ANO10: variants seen among roughly 807,000 people sequenced by gnomAD.
ANO10 encodes anoctamin-10.
A neutral mutation model predicts 74.7 loss-of-function variants in ANO10; 77 were observed. The ratio of observed to expected loss-of-function variants is 1.03; its 90% CI spans 0.86 to 1.25. The LOEUF is 1.25. Among genes scored for constraint, ANO10 ranks in the 50% most tolerant of loss-of-function variants. ANO10 has a pLI of 0.00. For synonymous variants in ANO10, 279 were observed against 284.9 expected, an observed-to-expected ratio of 0.98 and a Z score of 0.21; for missense variants, 721 against 778.1, an observed-to-expected ratio of 0.93 and a Z score of 0.87.
At chr3:43,547,042 C>T (rs1262125916) in intron 11 of ANO10, among the ~76,000 whole-genome samples, 1 of 151,978 alleles carries the variant, frequency 6.6e-6, no homozygotes, top group Non-Finnish European at 1.5e-5. Context: ...ATCTTAAAAG[C>T]AGCCAGAGAA....
intron 11 of ANO10, among the ~76,000 whole-genome samples, chr3:43,456,768 G>A (rs4682687): frequency 6.6e-6 from 1 of 152,218 alleles, no homozygotes; most frequent in African/African-American, 2.4e-5. Context: ...AATTACAAAG[G>A]TGTCTGCGAC....
chr3:43,660,394 G>C (rs1436513721), intron 1 of ANO10, among the ~76,000 whole-genome samples: 1 of 151,996 alleles, frequency 6.6e-6, no homozygotes, highest in Non-Finnish European at 1.5e-5. Context: ...GTGAAGAGAA[G>C]AGCTTAAATG....
intron 1 of ANO10, among the ~76,000 whole-genome samples, chr3:43,647,185 G>GTA (rs1370875539): frequency 6.6e-6 from 1 of 151,140 alleles, no homozygotes; most frequent in Admixed American, 6.6e-5. Context: ...GTGTGTGTGT[G>GTA]TGTGTGTATT....
At chr3:43,521,744 A>G (rs1206416079) in intron 11 of ANO10, among the ~76,000 whole-genome samples, 3 of 152,232 alleles carry the variant, frequency 2.0e-5, no homozygotes, top group Admixed American at 1.3e-4. Context: ...AAGTTTCTCA[A>G]AAAATTAAAC....
chr3:43,475,781 T>G (rs753034646), intron 11 of ANO10, among the ~76,000 whole-genome samples: 3 of 152,044 alleles, frequency 2.0e-5, no homozygotes, highest in Non-Finnish European at 2.9e-5. Context: ...TTTTATTTTT[T>G]AGTAGAGATG....
At chr3:43,432,944 C>CT (rs5848663) in intron 11 of ANO10, among the ~76,000 whole-genome samples, 6,990 of 55,084 alleles carry the variant, frequency 0.13, 2,004 homozygotes, top group East Asian at 0.39. Context: ...TTGCTTAATT[C>CT]TTTTTTTTTT....
chr3:43,443,740 GCA>G (rs2093198975), intron 11 of ANO10, among the ~76,000 whole-genome samples: 1 of 144,688 alleles, frequency 6.9e-6, no homozygotes, highest in African/African-American at 2.6e-5. Context: ...GAGTGCAATG[GCA>G]CAGTCTCGGC....
rs111251161 is a variant in ANO10 at position 43,454,423 on chromosome 3, C to T, written c.1798-21696G>A. On this transcript the variant is annotated intron_variant, in intron 11 of 12. Coordinates refer to ENST00000292246, the MANE Select transcript of ANO10 (RefSeq NM_018075.5). ...AACCACTGTGGCTGCTGTGTTGAGACCAGACAAAAGCAGAAGGGTGGCCCA... is the reference window on the plus strand; with the variant it reads ...AACCACTGTGGCTGCTGTGTTGAGATCAGACAAAAGCAGAAGGGTGGCCCA... 3.0e-3 allele frequency among the ~76,000 whole-genome samples: 459 copies of T among 152,112 alleles called. 2 individuals carry two copies. The highest frequency in any genetic ancestry group is 0.014 in the Middle Eastern group (4 of 294).
upstream of ANO10, among the ~76,000 whole-genome samples, chr3:43,625,945 T>C (rs1466317614): frequency 6.6e-6 from 1 of 152,098 alleles, no homozygotes; most frequent in Non-Finnish European, 1.5e-5. Flanking sequence ...AATTACTTTT[T>C]TTTTTTTTTA....
At chr3:43,453,486 TTTTTC>T (rs1255127596) in intron 11 of ANO10, among the ~76,000 whole-genome samples, 1 of 152,216 alleles carries the variant, frequency 6.6e-6, no homozygotes, top group African/African-American at 2.4e-5. Flanking sequence ...GCCTATCTTC[TTTTTC>T]TTTTATTGCT....
chr3:43,478,266 T>C (rs530140695), intron 11 of ANO10, among the ~76,000 whole-genome samples: 1 of 152,272 alleles, frequency 6.6e-6, no homozygotes, highest in South Asian at 2.1e-4. Flanking sequence ...AAGTTGCCTC[T>C]TCTATGCAAA....
At chr3:43,660,767 C>A (rs1189030794) in intron 1 of ANO10, among the ~76,000 whole-genome samples, 1 of 152,096 alleles carries the variant, frequency 6.6e-6, no homozygotes, top group Non-Finnish European at 1.5e-5. Context: ...CCTGCCTGAC[C>A]AACATGGAGA....
chr3:43,614,238 A>T (rs1470494166), intron 1 of ANO10, among the ~76,000 whole-genome samples: 1 of 152,228 alleles, frequency 6.6e-6, no homozygotes, highest in Non-Finnish European at 1.5e-5. Flanking sequence ...TTTTGCTGAG[A>T]CACTAAAAGC....
chr3:43,519,529 A>G (rs2077859180), intron 11 of ANO10, among the ~76,000 whole-genome samples: 1 of 152,208 alleles, frequency 6.6e-6, no homozygotes. Flanking sequence ...TGTCCATTCC[A>G]GAGGATCTTT....
At chr3:43,626,064 G>T (rs1471815251), upstream of ANO10, among the ~76,000 whole-genome samples, 3 of 151,966 alleles carry the variant, frequency 2.0e-5, no homozygotes, top group Admixed American at 6.6e-5. Flanking sequence ...CTCCCAAGAA[G>T]CTGGGACTAC....
At chr3:43,623,117 C>T (rs1339609815), upstream of ANO10, among the ~76,000 whole-genome samples, 1 of 152,126 alleles carries the variant, frequency 6.6e-6, no homozygotes, top group East Asian at 1.9e-4. Flanking sequence ...CCGCCTGCCT[C>T]GGTTTCCCAA....
intron 12 of ANO10, among the ~76,000 whole-genome samples, chr3:43,396,063 A>T (rs895109085): frequency 8.6e-5 from 13 of 151,202 alleles, no homozygotes; most frequent in African/African-American, 3.1e-4. Context: ...GCCTTTTATT[A>T]ATTTATTTAT....
At chr3:43,595,935 T>C (rs2082061801) in intron 4 of ANO10, among the ~76,000 whole-genome samples, 1 of 152,152 alleles carries the variant, frequency 6.6e-6, no homozygotes, top group Admixed American at 6.5e-5. Flanking sequence ...AATATCAATG[T>C]GCAAAAATCA....
intron 2 of ANO10, among the ~76,000 whole-genome samples, chr3:43,604,543 T>C (rs1403646020): frequency 6.6e-6 from 1 of 152,076 alleles, no homozygotes; most frequent in African/African-American, 2.4e-5. Flanking sequence ...GTCTTTTATA[T>C]ATTTTTTAAC....
Sources: gnomAD v4.1 joint callset for allele counts (sites outside exome capture counted in the v4.1 genomes callset) on GRCh38, gnomAD v4.1.1 for gene constraint, MANE v1.5 for transcripts, NCBI Gene and HGNC (gene_info 2026-07-23, HGNC 2026-07-21) for gene names.